The following WDR4 variants were observed in gnomAD, a reference collection of about 807,000 sequenced individuals.
WDR4 encodes the protein WDR4 tRNA N7-guanosine methyltransferase non-catalytic subunit.
Under a neutral mutation model 48.6 loss-of-function variants are expected in WDR4, and 47 were observed. The observed-to-expected ratio is 0.97, with a 90% confidence interval of 0.77 to 1.23. The LOEUF is 1.23. WDR4 is among the 50% of genes most tolerant of loss of function. WDR4 has a pLI of 0.00. For synonymous variants in WDR4, 268 were observed against 230.0 expected, an observed-to-expected ratio of 1.17 and a Z score of -1.49; for missense variants, 606 against 551.6, an observed-to-expected ratio of 1.10 and a Z score of -0.99.
intron 3 of WDR4, among the ~76,000 whole-genome samples, chr21:42,869,281 G>C (rs1382102149): frequency 2.6e-5 from 4 of 152,214 alleles, no homozygotes; most frequent in African/African-American, 9.7e-5. Flanking sequence ...AGGGGAAGCA[G>C]ACAAGTGAGA....
chr21:42,857,796 GA>G (rs67849006), intron 6 of WDR4, among the ~76,000 whole-genome samples: 64,767 of 151,594 alleles, frequency 0.43, 15,229 homozygotes, highest in African/African-American at 0.62. Context: ...GAACAGGAAA[GA>G]AAAAAAAACA....
In WDR4 at chr21:42,852,108, C is replaced by T. The variant is rs1382381069; in HGVS notation, c.1045+147G>A. Reference sequence around the variant, plus strand: ...TGTGCGTCACCCACCTCCTGCCCTGCCCCGCCTTCTGGATGGGGACACACG... The same window carrying T: ...TGTGCGTCACCCACCTCCTGCCCTGTCCCGCCTTCTGGATGGGGACACACG... On this transcript the variant is annotated intron_variant, in intron 10 of 10. Coordinates refer to ENST00000398208, the MANE Select transcript of WDR4 (RefSeq NM_018669.6). 3.5e-6 allele frequency: 3 copies of T among 851,460 alleles called. No individual in the cohort carries two copies. In the South Asian group the frequency reaches 4.4e-5, roughly 12 times the overall value. 52.7% of individuals were successfully genotyped at this position (851,460 alleles called of 1,614,324 possible).
intron 5 of WDR4, among the ~76,000 whole-genome samples, chr21:42,861,492 C>G (rs1315441629): frequency 6.6e-6 from 1 of 151,982 alleles, no homozygotes; most frequent in Non-Finnish European, 1.5e-5. Context: ...ACGTGCCTGG[C>G]GAGGCAAGGG....
chr21:42,849,797 A>T lies in WDR4; in HGVS notation c.*252T>A, dbSNP rs1224816933. ...CTCACACGCAGCCTCCGACATGAAA[A>T]GAAAGTGCTTCAAGAGCTTCCACTC... On this transcript the variant is annotated 3_prime_UTR_variant, in exon 11 of 11. Coordinates refer to ENST00000398208, the MANE Select transcript of WDR4 (RefSeq NM_018669.6). 2.2e-6 allele frequency: 1 copy of T among 447,166 alleles called. No individual in the cohort carries two copies. Among genetic ancestry groups the T allele is most frequent in the African/African-American group, 2.1e-5 (1 of 48,554 alleles). The allele number at this position is 447,166 out of a possible 1,614,324, so 27.7% of individuals were successfully genotyped here.
chr21:42,884,518 G>A (rs570142079), upstream of WDR4, among the ~76,000 whole-genome samples: 15 of 151,582 alleles, frequency 9.9e-5, no homozygotes, highest in South Asian at 4.2e-4. Flanking sequence ...GTGGTGTTGC[G>A]TACCTGTAAT....
chr21:42,853,100 G>T (rs1222901122), intron 9 of WDR4, among the ~76,000 whole-genome samples: 1 of 152,070 alleles, frequency 6.6e-6, no homozygotes, highest in Non-Finnish European at 1.5e-5. Context: ...AGCTCGGCCC[G>T]CCGCCCTCGC....
In WDR4 at chr21:42,862,164, G is replaced by A. The variant is rs74708895; in HGVS notation, c.566+118C>T. ...CTGCAGTGACCAAACACCAAGCACG[G>A]GGGCTGCTGTCACCCGCGTGGGGCC... On this transcript the variant is annotated intron_variant, in intron 5 of 10. Transcript: ENST00000398208. The surrounding 1 kb of genome is among the most constrained non-coding windows in gnomAD (Gnocchi z 4.3). The A allele has an allele frequency of 1.7e-3, 1,521 of 870,052 alleles. 24 individuals carry two copies. The East Asian group carries it at 0.038, about 22-fold the overall frequency. The allele number at this position is 870,052 out of a possible 1,614,324, so 53.9% of individuals were successfully genotyped here.
upstream of WDR4, among the ~76,000 whole-genome samples, chr21:42,884,355 G>A (rs1402985497): frequency 2.6e-5 from 4 of 152,054 alleles, no homozygotes; most frequent in Non-Finnish European, 5.9e-5. Flanking sequence ...CTGAGATTGC[G>A]CCACTGCACT....
intron 1 of WDR4, 69 bp from the exon 2 acceptor site, chr21:42,876,836 G>A: frequency 7.0e-7 from 1 of 1,431,452 alleles, no homozygotes; most frequent in Non-Finnish European, 9.5e-7. Context: ...TTTTTTTTTT[G>A]AGACGGAGTT....
At chr21:42,874,828 C>T (rs1401472054) in intron 2 of WDR4, among the ~76,000 whole-genome samples, 1 of 152,120 alleles carries the variant, frequency 6.6e-6, no homozygotes, top group Non-Finnish European at 1.5e-5. Context: ...AATTTTGCCC[C>T]GGTCCTGTGG....
At chr21:42,885,884 CG>C in the WDR4 span, among the ~76,000 whole-genome samples, 1 of 151,424 alleles carries the variant, frequency 6.6e-6, no homozygotes, top group African/African-American at 2.4e-5. Flanking sequence ...TTTGTAGAGA[CG>C]GGGGTCTTGT....
At chr21:42,866,295 A>G (rs550776417) in intron 3 of WDR4, among the ~76,000 whole-genome samples, 1 of 152,202 alleles carries the variant, frequency 6.6e-6, no homozygotes, top group South Asian at 2.1e-4. Context: ...TGCTGCCCAC[A>G]ACTTCCATCT....
At chr21:42,847,118 G>A (rs866610620), downstream of WDR4, among the ~76,000 whole-genome samples, 1 of 152,034 alleles carries the variant, frequency 6.6e-6, no homozygotes, top group Non-Finnish European at 1.5e-5. Flanking sequence ...TGTCCTAAAA[G>A]TAAAATACAT....
intron 3 of WDR4, among the ~76,000 whole-genome samples, chr21:42,871,857 T>C (rs761227678): frequency 2.0e-5 from 3 of 152,188 alleles, no homozygotes; most frequent in Non-Finnish European, 4.4e-5. Context: ...CATAAAAACA[T>C]ATATAGTAAA....
intron 5 of WDR4, among the ~76,000 whole-genome samples, chr21:42,860,861 C>A (rs2058097734): frequency 6.6e-6 from 1 of 152,236 alleles, no homozygotes; most frequent in Admixed American, 6.5e-5. Flanking sequence ...AACAGACCCA[C>A]AGAACCACTC....
In WDR4 at chr21:42,850,250, G is replaced by A; in HGVS notation, c.1046-8C>T. ...CGTCTGCGCCGGCAGAGCCTGTGAT[G>A]GGGGAACAAGGACAGGTGCCAGGTG... is the stretch of plus-strand genomic sequence containing the variant. On this transcript the variant is annotated splice_polypyrimidine_tract_variant and splice_region_variant and intron_variant, in intron 10 of 10. Coordinates refer to ENST00000398208, the MANE Select transcript of WDR4 (RefSeq NM_018669.6). 6.3e-7 allele frequency: 1 copy of A among 1,583,836 alleles called. No homozygotes were observed. The highest frequency in any genetic ancestry group is 1.1e-5 in the South Asian group (1 of 87,918).
rs748519165 is a variant in WDR4 at position 42,873,536 on chromosome 21, G to A, written c.296+15C>T. On this transcript the variant is annotated intron_variant, in intron 3 of 10. Transcript: ENST00000398208. ...GCATTCGACATCTTAAGAATCCAGC[G>A]TTAGCATCTCATACCTGACACTCAG... 24 of 1,613,536 alleles carry A rather than the reference G, an allele frequency of 1.5e-5. No homozygotes were observed. The highest frequency in any genetic ancestry group is 1.6e-4 in the Middle Eastern group (1 of 6,076).
At chr21:42,892,383 T>C in the WDR4 span, among the ~76,000 whole-genome samples, 2 of 152,138 alleles carry the variant, frequency 1.3e-5, no homozygotes, top group Admixed American at 1.3e-4. Flanking sequence ...CCAGGGTGGA[T>C]GGTGGCAGAT....
In WDR4 at chr21:42,875,425, C is replaced by T. The variant is rs188806252; in HGVS notation, c.155+1277G>A. 3.7e-3 allele frequency among the ~76,000 whole-genome samples: 567 copies of T among 152,124 alleles called. 1 individual carries two copies. Among genetic ancestry groups the T allele is most frequent in the Non-Finnish European group, 6.4e-3 (438 of 67,976 alleles). On this transcript the variant is annotated intron_variant, in intron 2 of 10. Transcript: ENST00000398208. ...AAAAAATTAGCCGGGCATGGTGGTGCGTGCCTGTAGTCCCAGCTACTCAGG... is the reference window on the plus strand; with the variant it reads ...AAAAAATTAGCCGGGCATGGTGGTGTGTGCCTGTAGTCCCAGCTACTCAGG...
Sources: allele counts gnomAD v4.1 joint callset (sites outside exome capture counted in the v4.1 genomes callset), GRCh38; gene constraint gnomAD v4.1.1; non-coding constraint Gnocchi (gnomAD v3.1); transcripts MANE v1.5; gene names NCBI Gene and HGNC (gene_info 2026-07-23, HGNC 2026-07-21).